The following GPM6A variants were observed in gnomAD, a reference collection of about 807,000 sequenced individuals.
GPM6A encodes the protein neuronal membrane glycoprotein M6-a.
GPM6A carries 7 observed loss-of-function variants against 32.1 expected under a neutral mutation model. The ratio of observed to expected loss-of-function variants is 0.22; its 90% confidence interval spans 0.12 to 0.41. GPM6A has a LOEUF of 0.41. Ranked by LOEUF, GPM6A falls within the 10% of genes least tolerant of loss-of-function variation. The pLI is 1.00. For missense variants in GPM6A, 235 were observed against 347.2 expected, an observed-to-expected ratio of 0.68 and a Z score of 2.57; for synonymous variants, 130 against 123.4, an observed-to-expected ratio of 1.05 and a Z score of -0.35.
intron 1 of GPM6A, among the ~76,000 whole-genome samples, chr4:175,799,944 A>G (rs535320139): frequency 6.6e-6 from 1 of 152,302 alleles, no homozygotes; most frequent in African/African-American, 2.4e-5. Flanking sequence ...ATAAAACACT[A>G]TTGATAAGGA....
At chr4:175,785,951 G>A (rs1369852574) in intron 1 of GPM6A, among the ~76,000 whole-genome samples, 1 of 151,772 alleles carries the variant, frequency 6.6e-6, no homozygotes, top group Non-Finnish European at 1.5e-5. Context: ...GATAATTACA[G>A]AAGCAATTAT....
intron 1 of GPM6A, among the ~76,000 whole-genome samples, chr4:175,885,893 A>C (rs1737437585): frequency 6.6e-6 from 1 of 152,182 alleles, no homozygotes; most frequent in Non-Finnish European, 1.5e-5. Context: ...AGTCTTAATA[A>C]ATCTATGAAA....
At chr4:175,911,505 C>T (rs1258890080) in intron 1 of GPM6A, among the ~76,000 whole-genome samples, 1 of 152,120 alleles carries the variant, frequency 6.6e-6, no homozygotes, top group Non-Finnish European at 1.5e-5. Context: ...GGAGTATTGG[C>T]ATAGATCATT....
chr4:175,926,947 T>C (rs1258955969), intron 1 of GPM6A, among the ~76,000 whole-genome samples: 1 of 152,232 alleles, frequency 6.6e-6, no homozygotes, highest in Non-Finnish European at 1.5e-5. Context: ...GTACTTACAA[T>C]AGTATTTTAG....
intron 1 of GPM6A, among the ~76,000 whole-genome samples, chr4:175,968,805 G>A (rs879885654): frequency 2.0e-5 from 3 of 152,166 alleles, no homozygotes; most frequent in Non-Finnish European, 4.4e-5. Context: ...TAGAGAAATA[G>A]GAGTTCTCAT....
At chr4:175,691,318 TCTTAAGGGATTAATTC>T (rs1243013293) in intron 2 of GPM6A, among the ~76,000 whole-genome samples, 5 of 152,198 alleles carry the variant, frequency 3.3e-5, no homozygotes, top group Non-Finnish European at 2.9e-5. Context: ...TTATCCTACT[TCTTAAGGGATTAATTC>T]ACTTACTTTA....
chr4:175,736,389 T>TTAA (rs1731660474), intron 1 of GPM6A, among the ~76,000 whole-genome samples: 1 of 152,056 alleles, frequency 6.6e-6, no homozygotes, highest in African/African-American at 2.4e-5. Flanking sequence ...TAACATAGAG[T>TTAA]CTTCACCTCC....
At position 175,822,512 on chromosome 4, in the gene GPM6A, A is replaced by G. The variant is rs529194875; in HGVS notation, c.-22-10263T>C. On this transcript the variant is annotated intron_variant, in intron 1 of 7. Transcript: ENST00000280187. The stretch of plus-strand genomic sequence containing the variant: ...AGTGATAGAAGTATATAACAACAGT[A>G]TAAATAGTATCCTTTTGTATTTTAA... 7.2e-5 allele frequency among the ~76,000 whole-genome samples: 11 copies of G among 152,348 alleles called. No homozygotes were observed. The South Asian group carries it at 1.9e-3, about 26-fold the overall frequency.
intron 1 of GPM6A, among the ~76,000 whole-genome samples, chr4:175,776,477 T>C (rs1489004598): frequency 6.6e-6 from 1 of 152,140 alleles, no homozygotes; most frequent in Non-Finnish European, 1.5e-5. Flanking sequence ...AAACTCGAGC[T>C]GCTGCCAAAA....
At chr4:175,975,130 G>A (rs1740622033) in intron 1 of GPM6A, among the ~76,000 whole-genome samples, 1 of 152,164 alleles carries the variant, frequency 6.6e-6, no homozygotes, top group African/African-American at 2.4e-5. Flanking sequence ...ACATGATTAG[G>A]GGACAGGCTC....
chr4:175,817,448 TCA>T (rs1233395922), intron 1 of GPM6A, among the ~76,000 whole-genome samples: 1 of 152,154 alleles, frequency 6.6e-6, no homozygotes, highest in African/African-American at 2.4e-5. Flanking sequence ...AGACCAAATA[TCA>T]CAACGCTGAA....
chr4:175,983,811 G>T (rs545053005), intron 1 of GPM6A, among the ~76,000 whole-genome samples: 1 of 152,028 alleles, frequency 6.6e-6, no homozygotes. Context: ...AATGATTTTC[G>T]TTATTCTTTC....
chr4:175,801,774 A>G (rs1390858316), intron 1 of GPM6A, among the ~76,000 whole-genome samples: 4 of 152,150 alleles, frequency 2.6e-5, no homozygotes, highest in African/African-American at 4.8e-5. Context: ...GCAGAATTTA[A>G]AAGAAGATAG....
chr4:175,995,495 G>A (rs1741279461), intron 1 of GPM6A, among the ~76,000 whole-genome samples: 2 of 151,922 alleles, frequency 1.3e-5, no homozygotes, highest in African/African-American at 2.4e-5. Context: ...AATAACAGCT[G>A]TAATGAGTGG....
rs35210127 is a variant in GPM6A at position 175,889,518 on chromosome 4, C to CAAAAAAAAAAAAAA, written c.-22-77270_-22-77269insTTTTTTTTTTTTTT. Among the ~76,000 whole-genome samples the CAAAAAAAAAAAAAA allele has an allele frequency of 7.3e-5, 10 of 137,048 alleles. No individual in the cohort carries two copies. The South Asian group carries it at 1.4e-3, about 19-fold the overall frequency. 89.9% of individuals were successfully genotyped at this position (137,048 alleles called of 152,430 possible). ...GAGTGACAGAGCAAAACCCTGTCTC[C>CAAAAAAAAAAAAAA]AAAAAAAAAAAAAGAGGCCAGGCGC... On this transcript the variant is annotated intron_variant, in intron 1 of 7. Coordinates refer to the GPM6A transcript ENST00000280187.
intron 1 of GPM6A, among the ~76,000 whole-genome samples, chr4:175,828,775 A>C (rs1735514805): frequency 6.6e-6 from 1 of 152,164 alleles, no homozygotes; most frequent in Non-Finnish European, 1.5e-5. Flanking sequence ...AAAATGATTT[A>C]GAAATTCACA....
rs777390141 is a variant in GPM6A, at chr4:175,651,790, T to C, written c.541+44A>G. ...AGAGGCAGCTATGTAGGTAACACAATATGGGATGGTGTTTTACAGTTTAGA... is the reference window on the plus strand; with the variant it reads ...AGAGGCAGCTATGTAGGTAACACAACATGGGATGGTGTTTTACAGTTTAGA... On this transcript the variant is annotated intron_variant, in intron 4 of 6. Coordinates refer to ENST00000393658, the MANE Select transcript of GPM6A (RefSeq NM_201591.3). The C allele has an allele frequency of 6.6e-5, 101 of 1,518,966 alleles. 1 individual carries two copies. In the East Asian group the frequency reaches 2.3e-3, roughly 34 times the overall value. 94.1% of individuals were successfully genotyped at this position (1,518,966 alleles called of 1,614,324 possible).
intron 1 of GPM6A, among the ~76,000 whole-genome samples, chr4:175,785,923 A>G (rs1039667781): frequency 2.0e-5 from 3 of 152,186 alleles, no homozygotes; most frequent in Non-Finnish European, 4.4e-5. Context: ...TTGCAGACTC[A>G]GTCCAATCAG....
At chr4:175,700,427 T>A (rs1231928878) in intron 2 of GPM6A, among the ~76,000 whole-genome samples, 1 of 152,158 alleles carries the variant, frequency 6.6e-6, no homozygotes, top group Non-Finnish European at 1.5e-5. Context: ...CCAAGTGTTT[T>A]TTCAGAGTAG....
Sources: allele counts gnomAD v4.1 joint callset (sites outside exome capture counted in the v4.1 genomes callset), GRCh38; gene constraint gnomAD v4.1.1; transcripts MANE v1.5; gene names NCBI Gene and HGNC (gene_info 2026-07-23, HGNC 2026-07-21).